Variants in PRMT8 observed in about 807,000 individuals in gnomAD.
PRMT8 encodes the protein protein arginine N-methyltransferase 8.
Under a neutral mutation model 47.1 loss-of-function variants are expected in PRMT8, and 7 were observed. The ratio of observed to expected loss-of-function variants is 0.15; its 90% CI spans 0.08 to 0.28. PRMT8 has a LOEUF of 0.28. PRMT8 is among the 10% of genes least tolerant of loss of function. The pLI, the probability that PRMT8 is intolerant of heterozygous loss-of-function variation, is 1.00. For synonymous variants in PRMT8, 188 were observed against 186.5 expected (o/e 1.01, Z -0.07); for missense variants, 237 against 505.4 (o/e 0.47, Z 5.09).
At chr12:3,526,290 A>G (rs1865949030) in intron 1 of PRMT8, among the ~76,000 whole-genome samples, 1 of 152,158 alleles carries the variant, frequency 6.6e-6, no homozygotes. Flanking sequence ...TTGCTTTCCC[A>G]TTTTAGCTAT....
rs554044219 is a variant in PRMT8 at position 3,509,001 on chromosome 12, C to A, written c.75+17301C>A. The stretch of plus-strand genomic sequence containing the variant: ...GAATCTGTCCTCCCCATTCCAGGCC[C>A]ACTGTGGCCGTCCCTGTTCGTGTCT... On this transcript the variant is annotated intron_variant, in intron 1 of 9. Coordinates refer to ENST00000382622, the MANE Select transcript of PRMT8 (RefSeq NM_019854.5). Among the ~76,000 whole-genome samples, 4 of 152,312 alleles carry A rather than the reference C, an allele frequency of 2.6e-5. No homozygotes were observed. In the East Asian group the frequency reaches 7.7e-4, roughly 29 times the overall value.
At chr12:3,543,751 G>A (rs1025593787) in intron 2 of PRMT8, among the ~76,000 whole-genome samples, 12 of 152,202 alleles carry the variant, frequency 7.9e-5, no homozygotes, top group African/African-American at 2.9e-4. Context: ...GCAGGGGCTA[G>A]CGAGAGGAAG....
At position 3,454,606 on chromosome 12, in the gene PRMT8, A is replaced by G. The variant is rs559375366; in HGVS notation, c.48+73164A>G. On this transcript the variant is annotated intron_variant, in intron 1 of 9. Coordinates refer to the PRMT8 transcript ENST00000452611. The stretch of plus-strand genomic sequence containing the variant: ...GCATGTGGCATTTCTCAAGCGGGAG[A>G]CCAAGTTCAAAGGGAGCACAGCACT... Among the ~76,000 whole-genome samples the G allele has an allele frequency of 3.3e-5, 5 of 152,172 alleles. No individual in the cohort carries two copies. In the South Asian group the frequency reaches 8.3e-4, roughly 25 times the overall value.
chr12:3,578,683 C>G (rs1054653321), intron 7 of PRMT8, among the ~76,000 whole-genome samples: 4 of 152,144 alleles, frequency 2.6e-5, no homozygotes, highest in Non-Finnish European at 4.4e-5. Flanking sequence ...GAGTTCAGGG[C>G]CACTAAGGAC....
intron 8 of PRMT8, among the ~76,000 whole-genome samples, chr12:3,589,658 C>CGTA (rs1234434027): frequency 2.6e-5 from 4 of 152,196 alleles, no homozygotes; most frequent in African/African-American, 4.8e-5. Flanking sequence ...GACAATTACT[C>CGTA]CATGGCTAAT....
intron 2 of PRMT8, among the ~76,000 whole-genome samples, chr12:3,547,455 A>C (rs2137172980): frequency 6.6e-6 from 1 of 152,320 alleles, no homozygotes; most frequent in African/African-American, 2.4e-5. Context: ...GAAAAATTTT[A>C]AACACCATAT....
At chr12:3,525,230 A>AG (rs763312031) in intron 1 of PRMT8, among the ~76,000 whole-genome samples, 23 of 152,180 alleles carry the variant, frequency 1.5e-4, no homozygotes, top group Non-Finnish European at 3.2e-4. Context: ...TCAAAAAAAA[A>AG]GAGAACTATT....
At position 3,576,821 on chromosome 12, in the gene PRMT8, A is replaced by G. The variant is rs1866954038; in HGVS notation, c.713-50A>G. 6.8e-7 allele frequency: 1 copy of G among 1,477,438 alleles called. No individual in the cohort carries two copies. Among genetic ancestry groups the G allele is most frequent in the Non-Finnish European group, 9.4e-7 (1 of 1,059,768 alleles). 91.5% of individuals were successfully genotyped at this position (1,477,438 alleles called of 1,614,324 possible). A position where few individuals can be genotyped will look rare whatever the true frequency, so the allele number is the denominator to read the frequency against. On this transcript the variant is annotated intron_variant, in intron 6 of 9. Coordinates refer to ENST00000382622, the MANE Select transcript of PRMT8 (RefSeq NM_019854.5). This position sits in a 1 kb window ranked among gnomAD's most constrained non-coding sequence, Gnocchi z 4.0. ...CTCTAGGACTCAGGAGGGTTGGGTG[A>G]GCTTCTGGGGGTCCTGCGCCTGCCT...
chr12:3,470,725 G>C (rs1214529886), intron 1 of PRMT8, among the ~76,000 whole-genome samples: 3 of 152,126 alleles, frequency 2.0e-5, no homozygotes, highest in Non-Finnish European at 2.9e-5. Flanking sequence ...GGGATGGAGG[G>C]ACAGAACCGG....
intron 4 of PRMT8, among the ~76,000 whole-genome samples, chr12:3,558,076 G>A (rs1866558605): frequency 6.6e-6 from 1 of 152,058 alleles, no homozygotes; most frequent in African/African-American, 2.4e-5. Context: ...AGGCTTGCAG[G>A]GGCTACTGCC....
chr12:3,396,512 C>A (rs1210263988), intron 1 of PRMT8, among the ~76,000 whole-genome samples: 1 of 152,186 alleles, frequency 6.6e-6, no homozygotes, highest in African/African-American at 2.4e-5. Flanking sequence ...GTTGAAAATT[C>A]TTTTCTTTGA....
chr12:3,463,582 C>T (rs1390589274), intron 1 of PRMT8: 1 of 152,324 alleles, frequency 6.6e-6, no homozygotes, highest in African/African-American at 2.4e-5. Context: ...TTACACCCAT[C>T]TTGCAGGACT....
rs1864400971 is a variant in PRMT8, at chr12:3,409,050, G to T, written c.48+27608G>T. ...TGGTGCTGGGTTCTGGGGTGCAGGT[G>T]CTCAGAGTGGCTGTAAAGCCCAAGT... On this transcript the variant is annotated intron_variant, in intron 1 of 9. Coordinates refer to the PRMT8 transcript ENST00000452611. The surrounding 1 kb of genome is among the most constrained non-coding windows in gnomAD (Gnocchi z 4.4). 6.6e-6 allele frequency among the ~76,000 whole-genome samples: 1 copy of T among 152,104 alleles called. No individual in the cohort carries two copies. Among genetic ancestry groups the T allele is most frequent in the African/African-American group, 2.4e-5 (1 of 41,412 alleles).
At chr12:3,547,778 A>G (rs1406513110) in intron 2 of PRMT8, among the ~76,000 whole-genome samples, 1 of 152,276 alleles carries the variant, frequency 6.6e-6, no homozygotes, top group African/African-American at 2.4e-5. Context: ...ACATAAATGG[A>G]GAGCTGCAAA....
At chr12:3,383,732 C>T (rs1368520484) in intron 1 of PRMT8, among the ~76,000 whole-genome samples, 11 of 152,178 alleles carry the variant, frequency 7.2e-5, no homozygotes, top group African/African-American at 9.7e-5. Context: ...TTGTTTTACC[C>T]GCTCTAGGGC....
intron 1 of PRMT8, among the ~76,000 whole-genome samples, chr12:3,429,704 T>TA (rs1864653440): frequency 6.6e-6 from 1 of 152,208 alleles, no homozygotes; most frequent in Non-Finnish European, 1.5e-5. Flanking sequence ...AGACCAGTCT[T>TA]ACCAAGTTTC....
At chr12:3,490,119 A>G (rs540295124), upstream of PRMT8, among the ~76,000 whole-genome samples, 5 of 152,292 alleles carry the variant, frequency 3.3e-5, no homozygotes, top group South Asian at 8.3e-4. Context: ...GACCTCCCCA[A>G]ACAAGTACAG....
At chr12:3,589,476 G>A (rs951343115) in intron 8 of PRMT8, among the ~76,000 whole-genome samples, 1 of 152,186 alleles carries the variant, frequency 6.6e-6, no homozygotes, top group East Asian at 1.9e-4. Context: ...TCCCAAAGGA[G>A]GTCAGGAGAT....
chr12:3,465,283 T>A lies in PRMT8; in HGVS notation c.49-75323T>A, dbSNP rs1034352929. Among the ~76,000 whole-genome samples, 93 of 94,152 alleles carry A rather than the reference T, an allele frequency of 9.9e-4. 1 individual carries two copies. The highest frequency in any genetic ancestry group is 2.8e-3 in the African/African-American group (90 of 31,856). The allele number at this position is 94,152 out of a possible 152,430, so 61.8% of individuals were successfully genotyped here. On this transcript the variant is annotated intron_variant, in intron 1 of 9. Coordinates refer to the PRMT8 transcript ENST00000452611. ...TATAAATATTTATAAAAATAAAAAA[T>A]ATATAATATATAATAAAATATATAT...
Sources: gnomAD v4.1 joint callset for allele counts (sites outside exome capture counted in the v4.1 genomes callset) on GRCh38, gnomAD v4.1.1 for gene constraint, Gnocchi (gnomAD v3.1) non-coding constraint, MANE v1.5 for transcripts, NCBI Gene and HGNC (gene_info 2026-07-23, HGNC 2026-07-21) for gene names.